Variants in BRAF observed in about 807,000 individuals in gnomAD.
The protein encoded by BRAF is B-Raf proto-oncogene, serine/threonine kinase.
A neutral mutation model predicts 104.6 loss-of-function variants in BRAF; 16 were observed. The ratio of observed to expected loss-of-function variants is 0.15; its 90% CI spans 0.10 to 0.23. The LOEUF (loss-of-function observed/expected upper bound fraction) is 0.23, where lower values mean the gene tolerates loss of function less well. Among genes scored for constraint, BRAF ranks in the 10% least tolerant of loss-of-function variants. The pLI is 1.00. For synonymous variants in BRAF, 310 were observed against 341.6 expected, an observed-to-expected ratio of 0.91 and a Z score of 1.02; for missense variants, 541 against 937.3, an observed-to-expected ratio of 0.58 and a Z score of 5.52.
At chr7:140,836,729 T>A (rs1170034491) in intron 2 of BRAF, among the ~76,000 whole-genome samples, 1 of 152,088 alleles carries the variant, frequency 6.6e-6, no homozygotes, top group Non-Finnish European at 1.5e-5. Flanking sequence ...CTTCAATCAC[T>A]CAGTAAATAT....
At chr7:140,800,664 G>C (rs1803002901) in intron 6 of BRAF, among the ~76,000 whole-genome samples, 183 bp from the exon 7 acceptor site, 2 of 152,086 alleles carry the variant, frequency 1.3e-5, no homozygotes, top group Admixed American at 6.6e-5. Context: ...ACTTTCAAAG[G>C]CATGCTTATA....
At chr7:140,903,170 C>T (rs540563480) in intron 1 of BRAF, among the ~76,000 whole-genome samples, 1 of 152,204 alleles carries the variant, frequency 6.6e-6, no homozygotes, top group Non-Finnish European at 1.5e-5. Context: ...AGGTGATCCG[C>T]CCACCTCGGC....
intron 5 of BRAF, among the ~76,000 whole-genome samples, chr7:140,802,587 C>T (rs1197392903): frequency 1.3e-5 from 2 of 151,568 alleles, no homozygotes; most frequent in Admixed American, 6.6e-5. Flanking sequence ...CATGAGCCAC[C>T]GTGTGCAGCT....
intron 13 of BRAF, 117 bp from the exon 13 acceptor site, chr7:140,777,205 TAA>T: frequency 1.1e-6 from 1 of 931,490 alleles, no homozygotes; most frequent in Non-Finnish European, 1.6e-6. Context: ...TTTTTTTTTT[TAA>T]AAAAGGCAAC....
At chr7:140,755,125 T>C (rs1798097740) in intron 14 of BRAF, among the ~76,000 whole-genome samples, 1 of 152,178 alleles carries the variant, frequency 6.6e-6, no homozygotes, top group Non-Finnish European at 1.5e-5. Context: ...GAGATCCTCC[T>C]GTCTCAAAAG....
chr7:140,765,518 C>T (rs1586073586), intron 14 of BRAF, among the ~76,000 whole-genome samples: 1 of 151,966 alleles, frequency 6.6e-6, no homozygotes, highest in Admixed American at 6.6e-5. Context: ...AGGCAACCTA[C>T]AAAATGGGAG....
rs141359385 is a variant in BRAF at position 140,867,294 on chromosome 7, T to G, written c.139-17082A>C. On this transcript the variant is annotated intron_variant, in intron 1 of 19. Transcript: ENST00000644969. ...GTCTCTATAAGAAGTAGAAGAAATA[T>G]TCCATCATTAGGTATTCTAATCAAA... Among the ~76,000 whole-genome samples, 377 of 152,302 alleles carry G rather than the reference T, an allele frequency of 2.5e-3. 3 individuals are homozygous for G. Among genetic ancestry groups the G allele is most frequent in the African/African-American group, 8.6e-3 (359 of 41,562 alleles).
At chr7:140,920,383 T>C (rs1161830141) in intron 1 of BRAF, among the ~76,000 whole-genome samples, 1 of 152,210 alleles carries the variant, frequency 6.6e-6, no homozygotes. Flanking sequence ...CATCAGGTCT[T>C]AGAAAATGCC....
At chr7:140,740,520 C>T (rs562026758) in intron 17 of BRAF, 1 of 152,318 alleles carries the variant, frequency 6.6e-6, no homozygotes, top group Middle Eastern at 3.4e-3. Context: ...GGCTTGTCTT[C>T]CCTGGATTCA....
chr7:140,854,981 G>C, intron 1 of BRAF, among the ~76,000 whole-genome samples: 1 of 151,982 alleles, frequency 6.6e-6, no homozygotes, highest in Non-Finnish European at 1.5e-5. Context: ...ATATTGGCTA[G>C]GTATAGTGGG....
intron 1 of BRAF, among the ~76,000 whole-genome samples, chr7:140,894,225 C>T (rs936834411): frequency 3.9e-5 from 6 of 151,920 alleles, no homozygotes; most frequent in East Asian, 1.9e-4. Context: ...ATGAAGGCCA[C>T]GGTGGAAACA....
intron 2 of BRAF, among the ~76,000 whole-genome samples, chr7:140,849,425 C>T (rs1339823575): frequency 1.3e-5 from 2 of 151,608 alleles, no homozygotes; most frequent in Admixed American, 6.6e-5. Context: ...TTTGGGGAAA[C>T]TCATTCTGGA....
At chr7:140,804,686 T>TACA (rs1292855062) in intron 5 of BRAF, among the ~76,000 whole-genome samples, 1 of 152,204 alleles carries the variant, frequency 6.6e-6, no homozygotes, top group Non-Finnish European at 1.5e-5. Flanking sequence ...ACTGTATTCA[T>TACA]ACAACACTAC....
intron 3 of BRAF, among the ~76,000 whole-genome samples, chr7:140,826,519 C>T (rs1310755078): frequency 6.6e-6 from 1 of 152,066 alleles, no homozygotes; most frequent in Non-Finnish European, 1.5e-5. Context: ...AAGTAACTGA[C>T]AGAGATAGAA....
At chr7:140,876,582 C>G (rs1188685545) in intron 1 of BRAF, among the ~76,000 whole-genome samples, 1 of 152,104 alleles carries the variant, frequency 6.6e-6, no homozygotes, top group Admixed American at 6.5e-5. Flanking sequence ...TAATTCACTT[C>G]AAATATAATT....
rs370332827 is a variant in BRAF at position 140,734,786 on chromosome 7, G to GAAAAAAAA, written c.2248-24_2248-17dup. The stretch of plus-strand genomic sequence containing the variant: ...AGGCGAGAATCTACAAAAAAAAAAA[G>GAAAAAAAA]AAAAAAAAAAGAAAAAAAAAGAAAA... On this transcript the variant is annotated splice_polypyrimidine_tract_variant and intron_variant, in intron 18 of 19. Coordinates refer to ENST00000644969, the MANE Select transcript of BRAF (RefSeq NM_001374258.1). 2.1e-5 allele frequency: 17 copies of GAAAAAAAA among 823,180 alleles called. No homozygotes were observed. Among genetic ancestry groups the GAAAAAAAA allele is most frequent in the African/African-American group, 1.0e-4 (2 of 19,052 alleles). The allele number at this position is 823,180 out of a possible 1,614,324, so 51.0% of individuals were successfully genotyped here. A position where few individuals can be genotyped will look rare whatever the true frequency, so the allele number is the denominator to read the frequency against.
chr7:140,801,257 T>C, intron 6 of BRAF, 155 bp downstream of exon 6: 1 of 734,450 alleles, frequency 1.4e-6, no homozygotes, highest in Non-Finnish European at 2.3e-6. Flanking sequence ...TACTGTCCAT[T>C]CCACATATTA....
intron 14 of BRAF, among the ~76,000 whole-genome samples, chr7:140,772,111 C>A (rs1218970413): frequency 3.3e-5 from 5 of 151,964 alleles, no homozygotes; most frequent in African/African-American, 1.2e-4. Flanking sequence ...AACAGAGAAC[C>A]AAACATGAGG....
intron 14 of BRAF, among the ~76,000 whole-genome samples, chr7:140,756,275 T>C (rs533625070): frequency 6.6e-6 from 1 of 152,322 alleles, no homozygotes; most frequent in South Asian, 2.1e-4. Flanking sequence ...ACTTACAAAC[T>C]GCTTTGTTAA....
Sources: allele counts gnomAD v4.1 joint callset (sites outside exome capture counted in the v4.1 genomes callset), GRCh38; gene constraint gnomAD v4.1.1; transcripts MANE v1.5; gene names NCBI Gene and HGNC (gene_info 2026-07-23, HGNC 2026-07-21).